The following ADGRV1 variants were observed in gnomAD, a reference collection of about 807,000 sequenced individuals.
The protein encoded by ADGRV1 is G-protein coupled receptor 98.
In ADGRV1, 359 loss-of-function variants were observed where a neutral mutation model predicts 596.2. That is an observed-to-expected ratio of 0.60 (90% CI 0.55 to 0.66). ADGRV1 has a LOEUF of 0.66. Among genes scored for constraint, ADGRV1 ranks in the 30% least tolerant of loss-of-function variants. The probability of loss-of-function intolerance (pLI) is 0.00; values close to 1 mark genes in which losing one functional copy is unlikely to be tolerated. For missense variants in ADGRV1, 7,274 were observed against 7,575.6 expected (o/e 0.96, Z 1.48); for synonymous variants, 2,681 against 2,679.2 (o/e 1.00, Z -0.02).
At chr5:90,748,816 T>TTTG (rs1754924720) in intron 52 of ADGRV1, among the ~76,000 whole-genome samples, 3 of 150,986 alleles carry the variant, frequency 2.0e-5, no homozygotes, top group African/African-American at 4.9e-5. Flanking sequence ...TCATCAAGTT[T>TTTG]TTTTTTGTTT....
intron 79 of ADGRV1, chr5:90,850,841 T>A (rs1439048151): frequency 6.6e-6 from 1 of 152,120 alleles, no homozygotes; most frequent in Non-Finnish European, 1.5e-5. Flanking sequence ...TTTGTTTTGT[T>A]GAATGCTGTA....
At chr5:91,083,966 A>G (rs1287217306) in intron 86 of ADGRV1, among the ~76,000 whole-genome samples, 1 of 152,002 alleles carries the variant, frequency 6.6e-6, no homozygotes, top group Non-Finnish European at 1.5e-5. Context: ...AATTTTTCCT[A>G]TTTTCGAATC....
rs757614080 is a variant in ADGRV1, at chr5:91,150,243, TTCTCTGTCTCTCTG to T, written c.18624+36_18624+49del. The T allele has an allele frequency of 1.1e-5, 17 of 1,489,076 alleles. 1 individual carries two copies. The highest frequency in any genetic ancestry group is 2.3e-5 in the Admixed American group (1 of 43,896). The allele number at this position is 1,489,076 out of a possible 1,614,324, so 92.2% of individuals were successfully genotyped here. On this transcript the variant is annotated intron_variant, in intron 88 of 89. Transcript: ENST00000405460. ...GGAGGTGTCTGCCCTTGCCCTTTCATTCTCTGTCTCTCTGTCTCTGTCTCTCTCTCTCTCTCTGT... is the reference window on the plus strand; with the variant it reads ...GGAGGTGTCTGCCCTTGCCCTTTCATTCTCTGTCTCTCTCTCTCTCTCTGT...
chr5:90,606,516 A>G (rs1485585764), intron 1 of ADGRV1, among the ~76,000 whole-genome samples: 1 of 152,110 alleles, frequency 6.6e-6, no homozygotes, highest in Non-Finnish European at 1.5e-5. Context: ...AAGGAAACAA[A>G]AGGGCATTGT....
chr5:90,807,448 A>G (rs1349800160), intron 72 of ADGRV1, among the ~76,000 whole-genome samples, 154 bp from the exon 73 acceptor site: 1 of 152,056 alleles, frequency 6.6e-6, no homozygotes, highest in East Asian at 1.9e-4. Flanking sequence ...CTGTAAGTTT[A>G]CCTCTCCCCC....
chr5:90,690,312 G>A (rs1746302876), intron 30 of ADGRV1, among the ~76,000 whole-genome samples: 2 of 152,168 alleles, frequency 1.3e-5, no homozygotes, highest in Non-Finnish European at 2.9e-5. Context: ...TGGCTTTAGG[G>A]TGTGACCTGG....
intron 1 of ADGRV1, among the ~76,000 whole-genome samples, chr5:90,586,633 G>A (rs974542182): frequency 2.6e-5 from 4 of 152,184 alleles, no homozygotes; most frequent in Non-Finnish European, 5.9e-5. Context: ...TTTAGGTTCT[G>A]CTTTTTGGGC....
At chr5:90,980,988 T>C (rs1223812469) in intron 84 of ADGRV1, among the ~76,000 whole-genome samples, 1 of 152,218 alleles carries the variant, frequency 6.6e-6, no homozygotes, top group South Asian at 2.1e-4. Flanking sequence ...ATGTGAACCC[T>C]GAAAATTTGA....
chr5:90,673,429 G>A (rs973248492), intron 22 of ADGRV1, among the ~76,000 whole-genome samples: 6 of 152,188 alleles, frequency 3.9e-5, no homozygotes, highest in African/African-American at 7.2e-5. Flanking sequence ...ACTGATGCAT[G>A]TATAGGCTAC....
At chr5:90,688,443 C>T (rs1008661890) in intron 29 of ADGRV1, among the ~76,000 whole-genome samples, 7 of 152,176 alleles carry the variant, frequency 4.6e-5, no homozygotes, top group Admixed American at 2.0e-4. Context: ...CTGCAATGTC[C>T]GCCTCCCGGG....
In ADGRV1 at chr5:90,854,170, CTG is replaced by C; in HGVS notation, c.17567_17568del (p.Cys5856SerfsTer13). The C allele has an allele frequency of 6.4e-7, 1 of 1,553,520 alleles. No homozygotes were observed. Among genetic ancestry groups the C allele is most frequent in the Non-Finnish European group, 8.7e-7 (1 of 1,147,588 alleles). ...AEPRIIPQTS[L>X]CLLWNQAAAS... ...GCCTAGAATTATTCCTCAGACATCT[CTG>C]TGTCTCCTTTGGAATCAGGCTGCTG... On this transcript the variant is annotated frameshift_variant, in exon 81 of 90. Coordinates refer to ENST00000405460, the MANE Select transcript of ADGRV1 (RefSeq NM_032119.4). LOFTEE classifies it high-confidence loss of function.
At chr5:91,119,139 A>T (rs1793094487) in intron 87 of ADGRV1, among the ~76,000 whole-genome samples, 1 of 151,950 alleles carries the variant, frequency 6.6e-6, no homozygotes, top group Admixed American at 6.5e-5. Context: ...AATCCACCTA[A>T]TAGTATTCAT....
intron 82 of ADGRV1, 58 bp downstream of exon 82, chr5:90,855,959 T>C: frequency 7.2e-7 from 1 of 1,383,522 alleles, no homozygotes; most frequent in Non-Finnish European, 1.0e-6. Flanking sequence ...TGAAAGTCTG[T>C]TTTCCCATAA....
chr5:90,997,649 A>G (rs570791131), intron 85 of ADGRV1, among the ~76,000 whole-genome samples: 39 of 152,342 alleles, frequency 2.6e-4, no homozygotes, highest in Admixed American at 2.1e-3. Context: ...TGTACTAAAT[A>G]TATCTTAAGA....
At chr5:90,886,038 AT>A (rs1264026364) in intron 83 of ADGRV1, among the ~76,000 whole-genome samples, 1 of 152,112 alleles carries the variant, frequency 6.6e-6, no homozygotes, top group East Asian at 1.9e-4. Flanking sequence ...GTGTAGCAGG[AT>A]TAATAGTTGT....
chr5:90,588,799 G>A (rs1188934466), intron 1 of ADGRV1, among the ~76,000 whole-genome samples: 4 of 152,162 alleles, frequency 2.6e-5, no homozygotes, highest in Admixed American at 6.5e-5. Context: ...TTAGGGAAGC[G>A]GGGGATATTT....
intron 84 of ADGRV1, among the ~76,000 whole-genome samples, chr5:90,972,889 T>C (rs1483115986): frequency 6.7e-6 from 1 of 149,378 alleles, no homozygotes; most frequent in Non-Finnish European, 1.5e-5. Context: ...CAAAAAACCC[T>C]ACAAAAAATC....
intron 83 of ADGRV1, among the ~76,000 whole-genome samples, chr5:90,916,458 C>T (rs919286535): frequency 4.6e-5 from 7 of 151,958 alleles, no homozygotes; most frequent in Admixed American, 1.3e-4. Context: ...TGATGAGGCC[C>T]AGGCATTGAA....
At chr5:90,672,489 A>C in intron 21 of ADGRV1, 57 bp from the exon 22 acceptor site, 2 of 1,375,556 alleles carry the variant, frequency 1.5e-6, no homozygotes, top group East Asian at 2.4e-5. Context: ...AAGCATTGTA[A>C]TTTTGTCACT....
Sources: gnomAD v4.1 joint callset for allele counts (sites outside exome capture counted in the v4.1 genomes callset) on GRCh38, gnomAD v4.1.1 for gene constraint, MANE v1.5 for transcripts, NCBI Gene and HGNC (gene_info 2026-07-23, HGNC 2026-07-21) for gene names.